Variants in LRP6 observed in about 807,000 individuals in gnomAD.
The protein encoded by LRP6 is low-density lipoprotein receptor-related protein 6.
A neutral mutation model predicts 184.1 loss-of-function variants in LRP6; 43 were observed. The ratio of observed to expected loss-of-function variants is 0.23; its 90% CI spans 0.18 to 0.30. The LOEUF is 0.30. Among genes scored for constraint, LRP6 ranks in the 10% least tolerant of loss-of-function variants. The pLI, the probability that LRP6 is intolerant of heterozygous loss-of-function variation, is 1.00. For synonymous variants in LRP6, 719 were observed against 684.9 expected (o/e 1.05, Z -0.78); for missense variants, 1,571 against 2,005.3 (o/e 0.78, Z 4.14).
At chr12:12,212,810 T>C (rs1864246266) in intron 2 of LRP6, among the ~76,000 whole-genome samples, 1 of 152,178 alleles carries the variant, frequency 6.6e-6, no homozygotes, top group Admixed American at 6.5e-5. Flanking sequence ...TCAACTACCT[T>C]TCTAATAAAT....
At position 12,126,592 on chromosome 12, in the gene LRP6, G is replaced by C. The variant is rs1434070935; in HGVS notation, c.4312+99C>G. ...TAATTGTTTAAACTCAGAGTAATAT[G>C]GTTTCAGACAGACTCTAGGTAGTAT... On this transcript the variant is annotated intron_variant, in intron 20 of 22. Coordinates refer to ENST00000261349, the MANE Select transcript of LRP6 (RefSeq NM_002336.3). 4.3e-6 allele frequency: 4 copies of C among 926,264 alleles called. No homozygotes were observed. In the Admixed American group the frequency reaches 7.3e-5, roughly 17 times the overall value. The allele number at this position is 926,264 out of a possible 1,614,324, so 57.4% of individuals were successfully genotyped here.
Position 12,130,805 on chromosome 12 carries a change from G to A in LRP6, c.4059C>T (p.Asp1353=). The part of the protein sequence containing the change: ...KKCDHNVDCS[D]KSDELDCYPT... ...TACAACAATCCAGTTCATCTGACTT[G>A]TCACTGCAATCCACATTATGATCAC... Residue 1353 remains aspartate, a synonymous_variant, in exon 19 of 23, where the codon GAC becomes GAT. Coordinates refer to ENST00000261349, the MANE Select transcript of LRP6 (RefSeq NM_002336.3). 1 of 1,611,670 alleles carries A rather than the reference G, an allele frequency of 6.2e-7. No homozygotes were observed. The highest frequency in any genetic ancestry group is 8.5e-7 in the Non-Finnish European group (1 of 1,177,812).
At chr12:12,234,889 G>A (rs1305600852) in intron 2 of LRP6, among the ~76,000 whole-genome samples, 1 of 147,968 alleles carries the variant, frequency 6.8e-6, no homozygotes, top group Non-Finnish European at 1.5e-5. Context: ...GAAAAAAAAA[G>A]AATATACACA....
intron 15 of LRP6, among the ~76,000 whole-genome samples, chr12:12,142,604 C>T (rs567109214): frequency 5.9e-5 from 9 of 151,676 alleles, no homozygotes; most frequent in African/African-American, 1.9e-4. Context: ...AAAGAACAAA[C>T]ATTTCTTTTT....
At chr12:12,133,434 T>G (rs1949785076) in intron 17 of LRP6, among the ~76,000 whole-genome samples, 1 of 152,122 alleles carries the variant, frequency 6.6e-6, no homozygotes, top group Non-Finnish European at 1.5e-5. Context: ...GCCTACTCTC[T>G]CTCTCTTGCT....
intron 2 of LRP6, among the ~76,000 whole-genome samples, chr12:12,234,521 A>G (rs1204096495): frequency 2.0e-5 from 3 of 151,970 alleles, no homozygotes; most frequent in East Asian, 1.9e-4. Context: ...TCATGTAAGA[A>G]AAGAAGATTA....
chr12:12,181,567 C>T, intron 5 of LRP6, 128 bp from the exon 6 acceptor site: 1 of 689,902 alleles, frequency 1.4e-6, no homozygotes, highest in South Asian at 1.6e-5. Context: ...AGGATGTGCA[C>T]TCTCTTTAGA....
chr12:12,201,739 T>C (rs1194371970), intron 3 of LRP6, among the ~76,000 whole-genome samples: 1 of 152,192 alleles, frequency 6.6e-6, no homozygotes, highest in South Asian at 2.1e-4. Flanking sequence ...AGACTCCCCC[T>C]CACAGCCAGA....
At chr12:12,219,395 G>A (rs776616839) in intron 2 of LRP6, among the ~76,000 whole-genome samples, 119 of 152,062 alleles carry the variant, frequency 7.8e-4, no homozygotes, top group Non-Finnish European at 1.6e-3. Context: ...TAGTAGAGAT[G>A]AGGTTTCCCA....
rs150402967 is a variant in LRP6, at chr12:12,156,167, T to C, written c.2791+2662A>G. Among the ~76,000 whole-genome samples, 149 of 152,244 alleles carry C rather than the reference T, an allele frequency of 9.8e-4. No homozygotes were observed. In the Middle Eastern group the frequency reaches 0.021, roughly 21 times the overall value. ...AGATAAGGGGCACTGGCACGTTGGA[T>C]AGAATGGCAGCATAATTTTAATTTT... On this transcript the variant is annotated intron_variant, in intron 12 of 22. Coordinates refer to ENST00000261349, the MANE Select transcript of LRP6 (RefSeq NM_002336.3).
At chr12:12,157,050 A>G (rs1485463342) in intron 12 of LRP6, among the ~76,000 whole-genome samples, 3 of 152,230 alleles carry the variant, frequency 2.0e-5, no homozygotes, top group Non-Finnish European at 2.9e-5. Flanking sequence ...GGTGTGAGAC[A>G]GCCTAAACAC....
At chr12:12,180,370 T>C (rs966094218) in intron 6 of LRP6, among the ~76,000 whole-genome samples, 1 of 151,874 alleles carries the variant, frequency 6.6e-6, no homozygotes, top group African/African-American at 2.4e-5. Context: ...GATGGCAAAC[T>C]GAATTCTCAA....
intron 12 of LRP6, chr12:12,155,661 C>G: frequency 1.0e-6 from 1 of 964,776 alleles, no homozygotes. Flanking sequence ...AGAAAGGTAC[C>G]TGGGTTCAAC....
In LRP6 at chr12:12,200,625, C is replaced by T. The variant is rs190934706; in HGVS notation, c.647+2578G>A. The stretch of plus-strand genomic sequence containing the variant: ...CCTGATGGGCTTTTTGAAGTTGTTT[C>T]TGCAAATTGGTGTCCACGTATTTGA... On this transcript the variant is annotated intron_variant, in intron 3 of 22. Transcript: ENST00000261349. 2.8e-3 allele frequency among the ~76,000 whole-genome samples: 428 copies of T among 152,304 alleles called. 2 individuals are homozygous for T. The highest frequency in any genetic ancestry group is 9.6e-3 in the African/African-American group (399 of 41,584).
chr12:12,197,095 A>G (rs187847468), intron 3 of LRP6, among the ~76,000 whole-genome samples: 6,324 of 152,140 alleles, frequency 0.042, 180 homozygotes, highest in Middle Eastern at 0.16. Context: ...TGTTCCTATC[A>G]TGCTCTAATC....
chr12:12,216,656 A>T (rs1044570202), intron 2 of LRP6, among the ~76,000 whole-genome samples: 8 of 118,424 alleles, frequency 6.8e-5, no homozygotes, highest in South Asian at 2.4e-4. Context: ...CTTAAAATTT[A>T]AAAAAAAAAA....
chr12:12,223,176 G>GAA (rs35090683), intron 2 of LRP6, among the ~76,000 whole-genome samples: 2,229 of 115,094 alleles, frequency 0.019, 46 homozygotes, highest in South Asian at 0.025. Context: ...CATTTCATCA[G>GAA]AAAAAAAAAA....
intron 1 of LRP6, among the ~76,000 whole-genome samples, chr12:12,257,785 A>C (rs1865506274): frequency 8.2e-6 from 1 of 121,508 alleles, no homozygotes; most frequent in Non-Finnish European, 1.7e-5. Context: ...TCTACAAAAA[A>C]AAAAAAAAAA....
chr12:12,178,718 C>G (rs1863256764), intron 7 of LRP6, among the ~76,000 whole-genome samples: 2 of 152,134 alleles, frequency 1.3e-5, no homozygotes, highest in Admixed American at 1.3e-4. Context: ...CAGTGAAATA[C>G]TAACAGGGAG....
Sources: gnomAD v4.1 joint callset for allele counts (sites outside exome capture counted in the v4.1 genomes callset) on GRCh38, gnomAD v4.1.1 for gene constraint, MANE v1.5 for transcripts, NCBI Gene and HGNC (gene_info 2026-07-23, HGNC 2026-07-21) for gene names.